The following ANKRD46 variants were observed in gnomAD, a reference collection of about 807,000 sequenced individuals.
The protein encoded by ANKRD46 is ankyrin repeat domain-containing protein 46.
Under a neutral mutation model 19.8 loss-of-function variants are expected in ANKRD46, and 13 were observed. The ratio of observed to expected loss-of-function variants is 0.66; its 90% CI spans 0.43 to 1.04. The LOEUF (loss-of-function observed/expected upper bound fraction) is 1.04. Among genes scored for constraint, ANKRD46 ranks in the 50% least tolerant of loss-of-function variants. The pLI is 0.00. For synonymous variants in ANKRD46, 91 were observed against 106.9 expected (o/e 0.85, Z 0.92); for missense variants, 185 against 274.8 (o/e 0.67, Z 2.31).
At chr8:100,558,199 T>C (rs1812538419) in intron 1 of ANKRD46, among the ~76,000 whole-genome samples, 1 of 152,236 alleles carries the variant, frequency 6.6e-6, no homozygotes, top group Non-Finnish European at 1.5e-5. Context: ...ATTTCCCTTT[T>C]GATAAAGAAC....
chr8:100,542,528 T>C (rs1355165830), intron 1 of ANKRD46, among the ~76,000 whole-genome samples: 2 of 152,130 alleles, frequency 1.3e-5, no homozygotes, highest in East Asian at 1.9e-4. Flanking sequence ...AATAGTCTTA[T>C]ATCTAAGGGA....
At chr8:100,539,810 AG>A (rs1586793917) in intron 1 of ANKRD46, among the ~76,000 whole-genome samples, 1 of 152,216 alleles carries the variant, frequency 6.6e-6, no homozygotes, top group East Asian at 1.9e-4. Flanking sequence ...GCACTTTGGG[AG>A]GCCAAGGTGG....
chr8:100,526,332 T>A (rs183956410), intron 4 of ANKRD46, among the ~76,000 whole-genome samples: 2 of 152,104 alleles, frequency 1.3e-5, no homozygotes, highest in Non-Finnish European at 2.9e-5. Context: ...ATCCTAAAAA[T>A]ATACCAAACA....
In ANKRD46 at chr8:100,534,198, A is replaced by C. The variant is rs1812018811; in HGVS notation, c.-130-887T>G. 6.6e-6 allele frequency among the ~76,000 whole-genome samples: 1 copy of C among 152,220 alleles called. No individual in the cohort carries two copies. The highest frequency in any genetic ancestry group is 2.4e-5 in the African/African-American group (1 of 41,470). ...GTTCATTGTTATCAAATCCCTGTGAACAAATTTATATAGGGAAATAATTAA... is the reference window on the plus strand; with the variant it reads ...GTTCATTGTTATCAAATCCCTGTGACCAAATTTATATAGGGAAATAATTAA... On this transcript the variant is annotated intron_variant, in intron 1 of 4. Transcript: ENST00000335659. This position sits in a 1 kb window ranked among gnomAD's most constrained non-coding sequence, Gnocchi z 4.2.
Position 100,537,668 on chromosome 8 carries a change from T to C in ANKRD46, c.-130-4357A>G, listed in dbSNP as rs929200635. 1.3e-5 allele frequency among the ~76,000 whole-genome samples: 2 copies of C among 152,196 alleles called. No individual in the cohort carries two copies. The highest frequency in any genetic ancestry group is 2.9e-5 in the Non-Finnish European group (2 of 68,034). ...GAGCTCTGCAAAAATCCAAAGATAC[T>C]GGGCAAGGAAAAATGCCATGTTGAA... is the stretch of plus-strand genomic sequence containing the variant. On this transcript the variant is annotated intron_variant, in intron 1 of 4. Transcript: ENST00000335659. This position sits in a 1 kb window ranked among gnomAD's most constrained non-coding sequence, Gnocchi z 4.2.
downstream of ANKRD46, among the ~76,000 whole-genome samples, chr8:100,518,068 G>A (rs552512037): frequency 6.6e-6 from 1 of 152,346 alleles, no homozygotes; most frequent in East Asian, 1.9e-4. Context: ...GTGCACACCT[G>A]TAATCCCAGC....
In ANKRD46 at chr8:100,521,012, T is replaced by A. The variant is rs1202510296; in HGVS notation, c.*1543A>T. ...GTGTTCTCCATTCCAAAGCCAGCTG[T>A]TTTTTGCTGGATTTACACCAACTAT... On this transcript the variant is annotated 3_prime_UTR_variant, in exon 5 of 5. Transcript: ENST00000335659. 99 of 985,168 alleles carry A rather than the reference T, an allele frequency of 1.0e-4. No individual in the cohort carries two copies. Among genetic ancestry groups the A allele is most frequent in the Non-Finnish European group, 1.2e-4 (98 of 829,900 alleles). The allele number at this position is 985,168 out of a possible 1,614,324, so 61.0% of individuals were successfully genotyped here. A position where few individuals can be genotyped will look rare whatever the true frequency, so the allele number is the denominator to read the frequency against.
rs1405635523 is a variant in ANKRD46 at position 100,524,771 on chromosome 8, C to A, written c.471-2000G>T. 6.6e-6 allele frequency among the ~76,000 whole-genome samples: 1 copy of A among 152,126 alleles called. No homozygotes were observed. ...ATAAAATGAAAATTCCATGAGCATT[C>A]TCATTGTTCTTCAGAGCTCATGAAG... On this transcript the variant is annotated intron_variant, in intron 4 of 4. Coordinates refer to ENST00000335659, the MANE Select transcript of ANKRD46 (RefSeq NM_001270377.2). This position sits in a 1 kb window ranked among gnomAD's most constrained non-coding sequence, Gnocchi z 4.3.
chr8:100,518,137 G>A (rs6992362), downstream of ANKRD46, among the ~76,000 whole-genome samples: 31,456 of 152,144 alleles, frequency 0.21, 3,475 homozygotes, highest in Middle Eastern at 0.28. Context: ...GTTGTAGTGA[G>A]CCTAGGTCAC....
At position 100,520,900 on chromosome 8, in the gene ANKRD46, C is replaced by T. The variant is rs1228670071; in HGVS notation, c.*1655G>A. On this transcript the variant is annotated 3_prime_UTR_variant, in exon 5 of 5. Transcript: ENST00000335659. ...AAATGCTATATACTTACATTTTGACCAATTTTGCATATTTGTTTAGATTTA... is the reference window on the plus strand; with the variant it reads ...AAATGCTATATACTTACATTTTGACTAATTTTGCATATTTGTTTAGATTTA... 2.0e-6 allele frequency: 2 copies of T among 984,154 alleles called. No homozygotes were observed. The highest frequency in any genetic ancestry group is 3.5e-5 in the African/African-American group (2 of 57,104). The allele number at this position is 984,154 out of a possible 1,614,324, so 61.0% of individuals were successfully genotyped here. A position where few individuals can be genotyped will look rare whatever the true frequency, so the allele number is the denominator to read the frequency against.
chr8:100,553,370 ATAG>A lies in ANKRD46; in HGVS notation c.-131+6338_-131+6340del, dbSNP rs534674161. ...TGGGCTACTGGAAAAAAGATGACTG[ATAG>A]TAGGACTAAAACTGCCACCAAAGTT... On this transcript the variant is annotated intron_variant, in intron 1 of 4. Coordinates refer to ENST00000335659, the MANE Select transcript of ANKRD46 (RefSeq NM_001270377.2). Among the ~76,000 whole-genome samples, 22 of 152,362 alleles carry A rather than the reference ATAG, an allele frequency of 1.4e-4. No individual in the cohort carries two copies. The South Asian group carries it at 4.4e-3, about 30-fold the overall frequency.
In ANKRD46 at chr8:100,510,667, A is replaced by G. The variant is rs1322717974; in HGVS notation, c.637-28T>C. On this transcript the variant is annotated intron_variant, in intron 5 of 5. Coordinates refer to the ANKRD46 transcript ENST00000520552. The surrounding 1 kb of genome is among the most constrained non-coding windows in gnomAD (Gnocchi z 4.9). ...GTAAATGTGGGGAAGACAGATTAAA[A>G]AAAAAAAAAAATCCCAGTTCTGTTA... 6.6e-7 allele frequency: 1 copy of G among 1,517,528 alleles called. No individual in the cohort carries two copies. Among genetic ancestry groups the G allele is most frequent in the Middle Eastern group, 1.7e-4 (1 of 5,866 alleles). 94.0% of individuals were successfully genotyped at this position (1,517,528 alleles called of 1,614,324 possible).
At position 100,534,454 on chromosome 8, in the gene ANKRD46, G is replaced by A. The variant is rs1038686023; in HGVS notation, c.-130-1143C>T. On this transcript the variant is annotated intron_variant, in intron 1 of 4. Coordinates refer to ENST00000335659, the MANE Select transcript of ANKRD46 (RefSeq NM_001270377.2). The surrounding 1 kb of genome is among the most constrained non-coding windows in gnomAD (Gnocchi z 4.2). The stretch of plus-strand genomic sequence containing the variant: ...TCAATTTAGACGAACTTCATATCAC[G>A]GAGCCACTTACCTTGATTTCCTTAA... Among the ~76,000 whole-genome samples, 2 of 152,068 alleles carry A rather than the reference G, an allele frequency of 1.3e-5. No individual in the cohort carries two copies. The highest frequency in any genetic ancestry group is 2.9e-5 in the Non-Finnish European group (2 of 68,008).
rs1812016950 is a variant in ANKRD46 at position 100,534,106 on chromosome 8, TATCA to T, written c.-130-799_-130-796del. On this transcript the variant is annotated intron_variant, in intron 1 of 4. Coordinates refer to ENST00000335659, the MANE Select transcript of ANKRD46 (RefSeq NM_001270377.2). The surrounding 1 kb of genome is among the most constrained non-coding windows in gnomAD (Gnocchi z 4.2). ...GCCTGCAATGTGCCAGATACCATGC[TATCA>T]AGTCCAAATCCCAAATTCCTGGTCA... Among the ~76,000 whole-genome samples, 1 of 152,242 alleles carries T rather than the reference TATCA, an allele frequency of 6.6e-6. No homozygotes were observed. Among genetic ancestry groups the T allele is most frequent in the Non-Finnish European group, 1.5e-5 (1 of 68,026 alleles).
intron 1 of ANKRD46, among the ~76,000 whole-genome samples, chr8:100,549,250 G>A (rs1011801598): frequency 2.0e-5 from 3 of 151,910 alleles, no homozygotes; most frequent in Non-Finnish European, 4.4e-5. Flanking sequence ...GACTACAGGC[G>A]TGAGCCACTG....
intron 4 of ANKRD46, among the ~76,000 whole-genome samples, chr8:100,526,642 T>A (rs933029416): frequency 1.3e-5 from 2 of 152,172 alleles, no homozygotes; most frequent in African/African-American, 4.8e-5. Flanking sequence ...TCTTTAGGAC[T>A]GTATTAAAGT....
intron 5 of ANKRD46, among the ~76,000 whole-genome samples, chr8:100,513,137 T>C (rs1322503868): frequency 3.3e-5 from 5 of 152,206 alleles, no homozygotes; most frequent in African/African-American, 1.2e-4. Flanking sequence ...GAGTTGACCA[T>C]AAGAAGCTGG....
At chr8:100,520,731 T>A (rs1291759472), downstream of ANKRD46, 4 of 825,872 alleles carry the variant, frequency 4.8e-6, no homozygotes, top group African/African-American at 2.7e-5. Context: ...AAATTAAAAC[T>A]ATAATACACT....
Position 100,527,529 on chromosome 8 carries a change from C to A in ANKRD46, c.470+316G>T, listed in dbSNP as rs1811864752. Among the ~76,000 whole-genome samples, 1 of 152,168 alleles carries A rather than the reference C, an allele frequency of 6.6e-6. No individual in the cohort carries two copies. Among genetic ancestry groups the A allele is most frequent in the Admixed American group, 6.5e-5 (1 of 15,282 alleles). On this transcript the variant is annotated intron_variant, in intron 4 of 4. Transcript: ENST00000335659. This position sits in a 1 kb window ranked among gnomAD's most constrained non-coding sequence, Gnocchi z 4.0. ...TTTGTACTGTCAATACAGCAGGTGG[C>A]TAACAGAACATTATGCGCACATGAC... is the stretch of plus-strand genomic sequence containing the variant.
Sources: gnomAD v4.1 joint callset for allele counts (sites outside exome capture counted in the v4.1 genomes callset) on GRCh38, gnomAD v4.1.1 for gene constraint, Gnocchi (gnomAD v3.1) non-coding constraint, MANE v1.5 for transcripts, NCBI Gene and HGNC (gene_info 2026-07-23, HGNC 2026-07-21) for gene names.